Variants in CNOT1 observed in about 807,000 individuals in gnomAD.
CNOT1 encodes CCR4-associated factor 1.
CNOT1 carries 15 observed loss-of-function variants against 273.8 expected under a neutral mutation model. That is an observed-to-expected ratio of 0.05 (90% CI 0.04 to 0.08). The LOEUF (loss-of-function observed/expected upper bound fraction) is 0.08. Ranked by LOEUF, CNOT1 falls within the 10% of genes least tolerant of loss-of-function variation. CNOT1 has a pLI of 1.00. For missense variants in CNOT1, 1,644 were observed against 2,912.2 expected (o/e 0.56, Z 10.02); for synonymous variants, 1,022 against 1,005.5 (o/e 1.02, Z -0.31).
At chr16:58,628,092 T>C (rs1052530035) in intron 1 of CNOT1, among the ~76,000 whole-genome samples, 2 of 152,174 alleles carry the variant, frequency 1.3e-5, no homozygotes, top group Admixed American at 1.3e-4. Flanking sequence ...CCTCCCTAAG[T>C]GCTGGGATTA....
chr16:58,587,502 A>G, intron 4 of CNOT1, 89 bp from the exon 5 acceptor site: 1 of 1,548,258 alleles, frequency 6.5e-7, no homozygotes, highest in South Asian at 1.2e-5. Context: ...GGATGGCACT[A>G]CATAGGAGTT....
chr16:58,606,934 A>C (rs74020116), intron 1 of CNOT1, among the ~76,000 whole-genome samples: 1 of 151,992 alleles, frequency 6.6e-6, no homozygotes, highest in African/African-American at 2.4e-5. Flanking sequence ...GGGGGGGGAA[A>C]GGATTATAAA....
chr16:58,585,387 T>C lies in CNOT1; in HGVS notation c.757A>G (p.Ser253Gly). The change falls in exon 8 of 49, where the codon AGC becomes GGC. Residue 253 changes from serine (S) to glycine (G), a missense_variant. Ser to Gly is a moderately conservative substitution (Grantham distance 56). Coordinates refer to ENST00000317147, the MANE Select transcript of CNOT1 (RefSeq NM_016284.5). Reference sequence around the variant, plus strand: ...TCTTGCATGAAATCAGCCAAAGAGCTCTCCATCATGGTTTTAGCTACCCCT... The same window carrying C: ...TCTTGCATGAAATCAGCCAAAGAGCCCTCCATCATGGTTTTAGCTACCCCT... ...SGGVAKTMME[S>G]SLADFMQEVG... The C allele has an allele frequency of 1.2e-6, 2 of 1,613,840 alleles. No individual in the cohort carries two copies. The highest frequency in any genetic ancestry group is 1.3e-5 in the African/African-American group (1 of 75,026).
chr16:58,580,649 G>C lies in CNOT1; in HGVS notation c.1327C>G (p.Arg443Gly), dbSNP rs772904710. The change falls in exon 12 of 49, where the codon CGA becomes GGA. Residue 443 changes from arginine to glycine, a missense_variant. By Grantham distance (125) the Arg-to-Gly change is moderately radical. Around this residue, in one of 13 missense-constraint regions of CNOT1, gnomAD observed 706 missense variants for 1,021.2 expected, o/e 0.69. Transcript: ENST00000317147. ...ILKAPPEDDNREIATWKSLDL... is the reference protein window; with the variant it reads ...ILKAPPEDDNGEIATWKSLDL... ...AGTGTTTACCATGTGGCAATTTCTC[G>C]ATTGTCATCCTCTGGTGGTGCTTTC... The C allele has an allele frequency of 6.2e-7, 1 of 1,609,794 alleles. No homozygotes were observed. The highest frequency in any genetic ancestry group is 8.5e-7 in the Non-Finnish European group (1 of 1,178,648).
At chr16:58,536,926 T>C (rs762966944) in intron 39 of CNOT1, 63 bp downstream of exon 39, 4 of 1,583,838 alleles carry the variant, frequency 2.5e-6, no homozygotes, top group Non-Finnish European at 3.4e-6. Flanking sequence ...TGAGCTTTAA[T>C]ATTGGAGGCA....
At chr16:58,582,681 A>G in intron 10 of CNOT1, 112 bp downstream of exon 10, 1 of 686,080 alleles carries the variant, frequency 1.5e-6, no homozygotes, top group Non-Finnish European at 2.6e-6. Context: ...ATTAACTTGG[A>G]CACTTTATTA....
chr16:58,571,102 AAAAC>A (rs996241467), intron 16 of CNOT1, among the ~76,000 whole-genome samples: 2 of 91,276 alleles, frequency 2.2e-5, no homozygotes, highest in African/African-American at 5.3e-5. Context: ...TGAGAAAAAC[AAAAC>A]AAAACAAAAC....
At chr16:58,536,952 G>GT (rs1567391821) in intron 39 of CNOT1, 37 bp downstream of exon 39, 1 of 1,608,502 alleles carries the variant, frequency 6.2e-7, no homozygotes, top group Non-Finnish European at 8.5e-7. Context: ...CCCTACTTAT[G>GT]TTGAATAAAA....
intron 22 of CNOT1, 82 bp downstream of exon 22, chr16:58,553,700 C>G: frequency 6.8e-7 from 1 of 1,478,670 alleles, no homozygotes; most frequent in Non-Finnish European, 9.0e-7. Flanking sequence ...CCATTACTAT[C>G]AAGTCTACAA....
intron 12 of CNOT1, among the ~76,000 whole-genome samples, chr16:58,579,974 C>A (rs1199952571): frequency 6.6e-6 from 1 of 152,122 alleles, no homozygotes; most frequent in Non-Finnish European, 1.5e-5. Flanking sequence ...CTTTGAGAGA[C>A]CGAGGCGGAT....
chr16:58,599,186 C>T, intron 2 of CNOT1, 50 bp downstream of exon 2: 2 of 1,610,118 alleles, frequency 1.2e-6, no homozygotes, highest in Non-Finnish European at 1.7e-6. Flanking sequence ...TTTCTTTCCA[C>T]TGTCTACTCA....
chr16:58,525,531 GTT>G, intron 45 of CNOT1, 172 bp from the exon 46 acceptor site: 1 of 621,112 alleles, frequency 1.6e-6, no homozygotes, highest in Admixed American at 3.0e-5. Context: ...TCCAAAGGTG[GTT>G]GTATCAATAA....
intron 3 of CNOT1, among the ~76,000 whole-genome samples, chr16:58,588,360 T>TA (rs930101455): frequency 6.9e-4 from 103 of 149,494 alleles, no homozygotes; most frequent in African/African-American, 1.4e-3. Context: ...TAGAGTTTTT[T>TA]AAAAAAAAAA....
At chr16:58,596,288 T>G (rs1334829451) in intron 2 of CNOT1, among the ~76,000 whole-genome samples, 1 of 152,042 alleles carries the variant, frequency 6.6e-6, no homozygotes, top group Non-Finnish European at 1.5e-5. Flanking sequence ...CAGGAGGCAC[T>G]CTGCAGTCCT....
At chr16:58,522,162 A>AG (rs2039408039) in intron 47 of CNOT1, among the ~76,000 whole-genome samples, 1 of 150,744 alleles carries the variant, frequency 6.6e-6, no homozygotes, top group Non-Finnish European at 1.5e-5. Context: ...TACTAAAAAT[A>AG]CAAAAAATTA....
At chr16:58,549,958 T>C in intron 24 of CNOT1, 60 bp from the exon 25 acceptor site, 1 of 1,605,698 alleles carries the variant, frequency 6.2e-7, no homozygotes, top group Non-Finnish European at 8.5e-7. Context: ...TAACACTTGG[T>C]TTCTATGAAC....
At chr16:58,554,401 G>A (rs1454191261) in intron 21 of CNOT1, among the ~76,000 whole-genome samples, 1 of 152,184 alleles carries the variant, frequency 6.6e-6, no homozygotes, top group Non-Finnish European at 1.5e-5. Flanking sequence ...CATCAGCCAG[G>A]CATGGTAGTT....
chr16:58,565,589 G>A (rs2041012128), intron 16 of CNOT1, among the ~76,000 whole-genome samples: 1 of 151,932 alleles, frequency 6.6e-6, no homozygotes, highest in South Asian at 2.1e-4. Flanking sequence ...CTCTCTTCAG[G>A]TCATTTAATC....
chr16:58,611,898 C>G (rs527954142), intron 1 of CNOT1, among the ~76,000 whole-genome samples: 22 of 152,204 alleles, frequency 1.4e-4, no homozygotes, highest in African/African-American at 5.1e-4. Flanking sequence ...ACAAGGAATG[C>G]CCCTCACACC....
Sources: gnomAD v4.1 joint callset for allele counts (sites outside exome capture counted in the v4.1 genomes callset) on GRCh38, gnomAD v4.1.1 for gene constraint, gnomAD v4.1.1 regional missense constraint, MANE v1.5 for transcripts, NCBI Gene and HGNC (gene_info 2026-07-23, HGNC 2026-07-21) for gene names.